The following ERP44 variants were observed in gnomAD, a reference collection of about 807,000 sequenced individuals.
The protein encoded by ERP44 is endoplasmic reticulum resident protein 44.
ERP44 carries 25 observed loss-of-function variants against 53.4 expected under a neutral mutation model. That is an observed-to-expected ratio of 0.47 (90% CI 0.34 to 0.65). The LOEUF is 0.65. Among genes scored for constraint, ERP44 ranks in the 30% least tolerant of loss-of-function variants. ERP44 has a pLI of 0.01. For synonymous variants in ERP44, 145 were observed against 161.2 expected (o/e 0.90, Z 0.76); for missense variants, 338 against 493.2 (o/e 0.69, Z 2.98).
intron 1 of ERP44, among the ~76,000 whole-genome samples, chr9:100,097,014 G>A (rs1826640348): frequency 6.6e-6 from 1 of 152,116 alleles, no homozygotes; most frequent in Non-Finnish European, 1.5e-5. Flanking sequence ...AGTTTGACTT[G>A]TAATTCTAGT....
chr9:100,091,629 T>C (rs1004728908), intron 1 of ERP44, among the ~76,000 whole-genome samples: 9 of 152,220 alleles, frequency 5.9e-5, no homozygotes, highest in Non-Finnish European at 1.0e-4. Flanking sequence ...TTCATTCCAT[T>C]CAGGACTGAA....
chr9:100,042,812 AG>A (rs1825920469), intron 4 of ERP44, among the ~76,000 whole-genome samples: 1 of 152,242 alleles, frequency 6.6e-6, no homozygotes, highest in African/African-American at 2.4e-5. Flanking sequence ...AGCCAGGCAC[AG>A]GAAAACATTG....
chr9:100,075,876 G>A (rs1436323620), intron 1 of ERP44, among the ~76,000 whole-genome samples: 7 of 152,108 alleles, frequency 4.6e-5, no homozygotes, highest in Non-Finnish European at 8.8e-5. Flanking sequence ...AACAGAAGAC[G>A]GCTCTGCAAC....
intron 10 of ERP44, among the ~76,000 whole-genome samples, chr9:100,003,258 A>G (rs1416559143): frequency 6.6e-6 from 1 of 152,192 alleles, no homozygotes; most frequent in Non-Finnish European, 1.5e-5. Context: ...TTTTAAAACA[A>G]TTATTCTGAA....
At chr9:100,047,113 C>CA (rs923835347) in intron 4 of ERP44, among the ~76,000 whole-genome samples, 2 of 152,180 alleles carry the variant, frequency 1.3e-5, no homozygotes, top group African/African-American at 4.8e-5. Flanking sequence ...GGATCACAGA[C>CA]ATAAGTATAA....
chr9:100,051,466 C>T (rs1024425972), intron 4 of ERP44, among the ~76,000 whole-genome samples: 3 of 152,180 alleles, frequency 2.0e-5, no homozygotes, highest in African/African-American at 7.2e-5. Flanking sequence ...TCTGTATTCA[C>T]ACCAACTTAC....
At chr9:100,081,438 A>G (rs947408709) in intron 1 of ERP44, among the ~76,000 whole-genome samples, 4 of 152,214 alleles carry the variant, frequency 2.6e-5, no homozygotes, top group African/African-American at 9.6e-5. Flanking sequence ...TGTAAAGCAG[A>G]AATTATGGGA....
At chr9:100,094,138 T>C (rs1426656239) in intron 1 of ERP44, among the ~76,000 whole-genome samples, 1 of 152,166 alleles carries the variant, frequency 6.6e-6, no homozygotes, top group East Asian at 1.9e-4. Flanking sequence ...AACTGGTATC[T>C]ATCCAGTGAA....
At chr9:100,012,844 T>C (rs903158734) in intron 8 of ERP44, among the ~76,000 whole-genome samples, 8 of 152,028 alleles carry the variant, frequency 5.3e-5, no homozygotes, top group Non-Finnish European at 1.0e-4. Context: ...TAAACAAACA[T>C]AAGGCCCTGA....
At chr9:100,057,651 G>C (rs1268028782) in intron 3 of ERP44, among the ~76,000 whole-genome samples, 169 bp downstream of exon 3, 1 of 152,168 alleles carries the variant, frequency 6.6e-6, no homozygotes, top group Admixed American at 6.5e-5. Context: ...TCTTAAAACA[G>C]AAATCCTTAC....
rs956298573 is a variant in ERP44, at chr9:99,982,497, C to A, written c.*115G>T. The A allele has an allele frequency of 2.0e-5, 9 of 453,840 alleles. No individual in the cohort carries two copies. The highest frequency in any genetic ancestry group is 1.2e-4 in the African/African-American group (6 of 48,340). 28.1% of individuals were successfully genotyped at this position (453,840 alleles called of 1,614,324 possible). The stretch of plus-strand genomic sequence containing the variant: ...GAAAAAAATTAAAAACCCAAAATTT[C>A]TTTCTGTTTATTCAAAATAAAAATA... On this transcript the variant is annotated 3_prime_UTR_variant, in exon 12 of 12. Transcript: ENST00000262455.
chr9:100,035,817 A>T (rs2118679471), intron 4 of ERP44, among the ~76,000 whole-genome samples: 1 of 152,360 alleles, frequency 6.6e-6, no homozygotes, highest in Non-Finnish European at 1.5e-5. Context: ...GCTAATCATC[A>T]AAGAAATGCA....
At chr9:100,088,741 T>A (rs1387878923) in intron 1 of ERP44, among the ~76,000 whole-genome samples, 2 of 152,170 alleles carry the variant, frequency 1.3e-5, no homozygotes, top group Admixed American at 1.3e-4. Flanking sequence ...AATAGAGATG[T>A]TAAGAAGAAA....
rs1826704969 is a variant in ERP44 at position 100,098,939 on chromosome 9, A to C, written c.-99T>G. 2.2e-6 allele frequency: 2 copies of C among 923,328 alleles called. No individual in the cohort carries two copies. The highest frequency in any genetic ancestry group is 5.2e-5 in the East Asian group (2 of 38,830). The allele number at this position is 923,328 out of a possible 1,614,324, so 57.2% of individuals were successfully genotyped here. On this transcript the variant is annotated 5_prime_UTR_variant, in exon 1 of 12. Transcript: ENST00000262455. ...GGGCTGGGCTCCGGGAGCCGACGGC[A>C]GCGGAGGATTCTCCAGGCAGCGGCA... is the stretch of plus-strand genomic sequence containing the variant.
intron 4 of ERP44, among the ~76,000 whole-genome samples, chr9:100,036,408 C>T (rs1825849086): frequency 6.6e-6 from 1 of 152,172 alleles, no homozygotes; most frequent in South Asian, 2.1e-4. Context: ...AAACAAAATA[C>T]TGCATGTTCT....
At chr9:100,016,234 C>T in intron 8 of ERP44, 88 bp downstream of exon 8, 1 of 1,497,926 alleles carries the variant, frequency 6.7e-7, no homozygotes, top group Non-Finnish European at 8.9e-7. Context: ...CAATTCATAA[C>T]TCTGTTAACA....
intron 3 of ERP44, among the ~76,000 whole-genome samples, chr9:100,056,853 G>A (rs1198272212): frequency 1.3e-5 from 2 of 152,148 alleles, no homozygotes; most frequent in Non-Finnish European, 2.9e-5. Flanking sequence ...GAGGGAATAA[G>A]AGACCAGTTC....
rs1387206029 is a variant in ERP44, at chr9:100,011,559, C to A, written c.763-3870G>T. 2.6e-5 allele frequency among the ~76,000 whole-genome samples: 4 copies of A among 152,134 alleles called. No homozygotes were observed. The South Asian group carries it at 8.3e-4, about 31-fold the overall frequency. On this transcript the variant is annotated intron_variant, in intron 8 of 11. Coordinates refer to ENST00000262455, the MANE Select transcript of ERP44 (RefSeq NM_015051.3). ...CCACTATTTGGTCCAAACATTTGAA[C>A]TCCTGTACCTGAGCATCCAGTGTGT...
Position 100,026,319 on chromosome 9 carries a change from G to A in ERP44, c.287-4093C>T, listed in dbSNP as rs1308737065. Reference sequence around the variant, plus strand: ...CTGTATCAAGACCACATGCAGCCAAGACATTTGCCAGATTTTGAAGCCACA... The same window carrying A: ...CTGTATCAAGACCACATGCAGCCAAAACATTTGCCAGATTTTGAAGCCACA... On this transcript the variant is annotated intron_variant, in intron 4 of 11. Transcript: ENST00000262455. Among the ~76,000 whole-genome samples, 6 of 152,312 alleles carry A rather than the reference G, an allele frequency of 3.9e-5. No homozygotes were observed. In the East Asian group the frequency reaches 9.6e-4, roughly 24 times the overall value.
Sources: allele counts gnomAD v4.1 joint callset (sites outside exome capture counted in the v4.1 genomes callset), GRCh38; gene constraint gnomAD v4.1.1; transcripts MANE v1.5; gene names NCBI Gene and HGNC (gene_info 2026-07-23, HGNC 2026-07-21).